DACH1: variants seen among roughly 807,000 people sequenced by gnomAD.
DACH1 encodes dachshund family transcription factor 1, also known as dachshund homolog 1.
A neutral mutation model predicts 54.2 loss-of-function variants in DACH1; 12 were observed. That is an observed-to-expected ratio of 0.22 (90% CI 0.14 to 0.36). The LOEUF (loss-of-function observed/expected upper bound fraction) is 0.36, where lower values mean the gene tolerates loss of function less well. DACH1 is among the 10% of genes least tolerant of loss of function. The pLI, the probability that DACH1 is intolerant of heterozygous loss-of-function variation, is 1.00. For synonymous variants in DACH1, 386 were observed against 366.2 expected, an observed-to-expected ratio of 1.05 and a Z score of -0.62; for missense variants, 805 against 929.8, an observed-to-expected ratio of 0.87 and a Z score of 1.75.
intron 3 of DACH1, among the ~76,000 whole-genome samples, chr13:71,588,837 T>C (rs1873473172): frequency 6.6e-6 from 1 of 152,016 alleles, no homozygotes; most frequent in East Asian, 1.9e-4. Flanking sequence ...ATTTTTTCTA[T>C]AGTTATCTGC....
chr13:71,780,502 A>G (rs1391868519), intron 1 of DACH1, among the ~76,000 whole-genome samples: 1 of 152,130 alleles, frequency 6.6e-6, no homozygotes, highest in Non-Finnish European at 1.5e-5. Context: ...AACAGAGGCT[A>G]CCACATATTT....
In DACH1 at chr13:71,594,741, C is replaced by G. The variant is rs548264849; in HGVS notation, c.1127-21729G>C. ...TTGTTAAATATCAACAAACCGGCCCCTAGTTCTCTTGGTTGAATCTGTTTT... is the reference window on the plus strand; with the variant it reads ...TTGTTAAATATCAACAAACCGGCCCGTAGTTCTCTTGGTTGAATCTGTTTT... On this transcript the variant is annotated intron_variant, in intron 3 of 10. Coordinates refer to ENST00000613252, the MANE Select transcript of DACH1 (RefSeq NM_080759.6). 1.2e-4 allele frequency among the ~76,000 whole-genome samples: 18 copies of G among 152,202 alleles called. 3 individuals carry two copies. The highest frequency in any genetic ancestry group is 3.9e-4 in the African/African-American group (16 of 41,558).
In DACH1 at chr13:71,865,978, G is replaced by C. The variant is rs1874728006; in HGVS notation, c.792C>G (p.Cys264Trp). ...LGAIQPGVNRCKLISRKDFET... is the reference protein window; with the variant it reads ...LGAIQPGVNRWKLISRKDFET... ...CGAAGTCCTTCCTGGAGATGAGTTT[G>C]CAGCGGTTCACTCCTGGCTGGATGG... is the stretch of plus-strand genomic sequence containing the variant. The change falls in exon 1 of 11, where the codon TGC becomes TGG. Residue 264 changes from cysteine (C) to tryptophan (W), a missense_variant. By Grantham distance (215) the Cys-to-Trp change is radical. Transcript: ENST00000613252. 1 of 1,613,874 alleles carries C rather than the reference G, an allele frequency of 6.2e-7. No homozygotes were observed. Among genetic ancestry groups the C allele is most frequent in the Admixed American group, 1.7e-5 (1 of 59,992 alleles).
At chr13:71,748,882 CTTTCTT>C (rs1157159316) in intron 1 of DACH1, among the ~76,000 whole-genome samples, 2 of 18,760 alleles carry the variant, frequency 1.1e-4, no homozygotes, top group African/African-American at 2.0e-4. Flanking sequence ...TTCTTTCTTT[CTTTCTT>C]TCTTTCTTTC....
At chr13:71,654,759 T>C (rs1422315380) in intron 2 of DACH1, among the ~76,000 whole-genome samples, 3 of 152,148 alleles carry the variant, frequency 2.0e-5, no homozygotes, top group African/African-American at 7.2e-5. Context: ...GGCCATTATG[T>C]CACCAAATGA....
At chr13:71,668,797 C>T (rs1355046348) in intron 2 of DACH1, among the ~76,000 whole-genome samples, 1 of 151,884 alleles carries the variant, frequency 6.6e-6, no homozygotes, top group East Asian at 1.9e-4. Context: ...TGGTGATGGG[C>T]GCCTGTAATC....
intron 1 of DACH1, among the ~76,000 whole-genome samples, chr13:71,686,408 G>C (rs1451184280): frequency 6.6e-6 from 1 of 152,098 alleles, no homozygotes; most frequent in African/African-American, 2.4e-5. Context: ...CGCCAGGGGG[G>C]TCTTCTTTCC....
At chr13:71,624,270 C>T (rs1429531913) in intron 3 of DACH1, among the ~76,000 whole-genome samples, 1 of 151,746 alleles carries the variant, frequency 6.6e-6, no homozygotes, top group Non-Finnish European at 1.5e-5. Flanking sequence ...ATGGTGGTTC[C>T]TATACTTTTA....
At chr13:71,779,131 A>G (rs867377180) in intron 1 of DACH1, among the ~76,000 whole-genome samples, 1,448 of 143,134 alleles carry the variant, frequency 0.01, 34 homozygotes, top group African/African-American at 0.034. Context: ...ACATATATAC[A>G]TATATACACA....
At chr13:71,443,474 C>A (rs879895963) in intron 10 of DACH1, among the ~76,000 whole-genome samples, 1 of 151,972 alleles carries the variant, frequency 6.6e-6, no homozygotes, top group Admixed American at 6.6e-5. Flanking sequence ...AAGAAATACC[C>A]TTAGCTTTTC....
At chr13:71,669,235 G>C (rs1446494759) in intron 2 of DACH1, among the ~76,000 whole-genome samples, 1 of 152,086 alleles carries the variant, frequency 6.6e-6, no homozygotes, top group African/African-American at 2.4e-5. Flanking sequence ...CACACAGCAG[G>C]AGCTGAGTGG....
At chr13:71,492,728 TC>T (rs1879081362) in intron 6 of DACH1, among the ~76,000 whole-genome samples, 1 of 151,670 alleles carries the variant, frequency 6.6e-6, no homozygotes, top group East Asian at 2.0e-4. Context: ...CCTCTCTTGT[TC>T]TGTGTGTGTG....
intron 6 of DACH1, among the ~76,000 whole-genome samples, chr13:71,541,849 C>T (rs2138332980): frequency 6.7e-6 from 1 of 149,876 alleles, no homozygotes; most frequent in East Asian, 2.0e-4. Context: ...GCTTTTTAAA[C>T]ATTTAACATC....
chr13:71,759,565 A>C (rs1885315170), intron 1 of DACH1, among the ~76,000 whole-genome samples: 1 of 152,206 alleles, frequency 6.6e-6, no homozygotes, highest in Admixed American at 6.5e-5. Flanking sequence ...TAGCTTCAAT[A>C]ATGATTACTA....
chr13:71,690,000 T>A (rs570797842), intron 1 of DACH1, among the ~76,000 whole-genome samples: 1 of 152,310 alleles, frequency 6.6e-6, no homozygotes, highest in African/African-American at 2.4e-5. Flanking sequence ...GTTTAAGATA[T>A]GTTAACTTAA....
At chr13:71,599,247 G>C (rs1287413060) in intron 3 of DACH1, among the ~76,000 whole-genome samples, 1 of 152,048 alleles carries the variant, frequency 6.6e-6, no homozygotes, top group Non-Finnish European at 1.5e-5. Context: ...TACTACTTCA[G>C]AAAAAATTGC....
In DACH1 at chr13:71,439,980, T is replaced by A. The variant is rs1235202870; in HGVS notation, c.*675A>T. ...ATTTTTAAGAAAAAAAAACCTTCAG[T>A]GAAAGCTTTTGGCTTATATTCAATG... On this transcript the variant is annotated 3_prime_UTR_variant, in exon 11 of 11. Transcript: ENST00000613252. The A allele has an allele frequency of 6.6e-6, 1 of 152,168 alleles. No homozygotes were observed. The highest frequency in any genetic ancestry group is 1.9e-4 in the East Asian group (1 of 5,190). The allele number at this position is 152,168 out of a possible 1,614,324, so 9.4% of individuals were successfully genotyped here.
At chr13:71,478,122 G>A (rs1390560169) in intron 8 of DACH1, among the ~76,000 whole-genome samples, 1 of 152,180 alleles carries the variant, frequency 6.6e-6, no homozygotes, top group African/African-American at 2.4e-5. Flanking sequence ...CTGTCTCATG[G>A]AAGCTGGTTC....
chr13:71,482,715 G>T (rs117172562), intron 7 of DACH1, among the ~76,000 whole-genome samples: 1 of 145,884 alleles, frequency 6.9e-6, no homozygotes, highest in East Asian at 2.0e-4. Flanking sequence ...GGGAGAAAAA[G>T]AATAATGTCC....
Sources: gnomAD v4.1 joint callset for allele counts (sites outside exome capture counted in the v4.1 genomes callset) on GRCh38, gnomAD v4.1.1 for gene constraint, MANE v1.5 for transcripts, NCBI Gene and HGNC (gene_info 2026-07-23, HGNC 2026-07-21) for gene names.